Variants in ZNF230 observed in about 807,000 individuals in gnomAD.
ZNF230 encodes zinc finger protein FDZF2.
ZNF230 carries 12 observed loss-of-function variants against 10.0 expected under a neutral mutation model. The observed-to-expected ratio is 1.20, with a 90% CI of 0.77 to 1.95. The LOEUF is 1.95. ZNF230 is among the 30% of genes most tolerant of loss of function. ZNF230 has a pLI of 0.00. For synonymous variants in ZNF230, 174 were observed against 193.6 expected, an observed-to-expected ratio of 0.90 and a Z score of 0.84; for missense variants, 532 against 565.8, an observed-to-expected ratio of 0.94 and a Z score of 0.61.
chr19:44,011,141 G>C lies in ZNF230; in HGVS notation c.1102G>C (p.Glu368Gln). Residue 368 changes from glutamate to glutamine, a missense_variant, in exon 5 of 5, where the codon GAG (glutamate) becomes CAG (glutamine). Transcript: ENST00000429154. ...HSGEKPYRCE[E>Q]CGKGYISKSG... ...TGGAGAAAAACCATACAGATGTGAG[G>C]AGTGTGGGAAGGGCTACATTAGTAA... The C allele has an allele frequency of 6.2e-7, 1 of 1,614,230 alleles. No homozygotes were observed. The highest frequency in any genetic ancestry group is 2.2e-5 in the East Asian group (1 of 44,888).
At position 44,010,328 on chromosome 19, in the gene ZNF230, G is replaced by C. The variant is rs763896484; in HGVS notation, c.289G>C (p.Glu97Gln). 1.9e-6 allele frequency: 3 copies of C among 1,614,080 alleles called. No homozygotes were observed. In the East Asian group the frequency reaches 6.7e-5, roughly 36 times the overall value. ...HEDCPCQQIW[E>Q]QTASDLTQSQ... Reference sequence around the variant, plus strand: ...AGACTGCCCTTGCCAGCAAATCTGGGAACAAACTGCAAGTGACTTAACCCA... The same window carrying C: ...AGACTGCCCTTGCCAGCAAATCTGGCAACAAACTGCAAGTGACTTAACCCA... Residue 97 changes from glutamate (E) to glutamine (Q), a missense_variant, in exon 5 of 5, where the codon GAA (glutamate) becomes CAA (glutamine). Physicochemically the swap from Glu to Gln is conservative, Grantham distance 29. Coordinates refer to ENST00000429154, the MANE Select transcript of ZNF230 (RefSeq NM_006300.4).
rs1976187401 is a variant in ZNF230, at chr19:44,011,758, A to G, written c.*294A>G. ...AACCCCTACACTTCCCTGCTTCTAG[A>G]ACCACTGTTTTACTCACTAATTCTA... On this transcript the variant is annotated 3_prime_UTR_variant, in exon 5 of 5. Transcript: ENST00000429154. 1 of 286,716 alleles carries G rather than the reference A, an allele frequency of 3.5e-6. No homozygotes were observed. Among genetic ancestry groups the G allele is most frequent in the Admixed American group, 4.9e-5 (1 of 20,318 alleles). The allele number at this position is 286,716 out of a possible 1,614,324, so 17.8% of individuals were successfully genotyped here.
chr19:44,010,621 ACT>A lies in ZNF230; in HGVS notation c.587_588del (p.Ser196Ter). On this transcript the variant is annotated frameshift_variant, in exon 5 of 5. Transcript: ENST00000429154. LOFTEE classifies it low-confidence loss of function (END_TRUNC). ...IHQRVHLREK[L>X]SKCDMRGKEF... The stretch of plus-strand genomic sequence containing the variant: ...ACCAGAGAGTTCACTTGAGAGAGAA[ACT>A]CTCTAAGTGTGACATGCGTGGTAAG... 6.2e-7 allele frequency: 1 copy of A among 1,614,154 alleles called. No homozygotes were observed. Among genetic ancestry groups the A allele is most frequent in the South Asian group, 1.1e-5 (1 of 91,080 alleles).
Position 44,007,961 on chromosome 19 carries a change from T to A in ZNF230, c.16-829T>A, listed in dbSNP as rs146920611. On this transcript the variant is annotated intron_variant, in intron 2 of 4. Coordinates refer to ENST00000429154, the MANE Select transcript of ZNF230 (RefSeq NM_006300.4). ...TACCATGAGAGAGCACACTCATGTA[T>A]GACAAATTACATAAAGCAGATTTAT... Among the ~76,000 whole-genome samples, 317 of 152,310 alleles carry A rather than the reference T, an allele frequency of 2.1e-3. 2 individuals are homozygous for A. Among genetic ancestry groups the A allele is most frequent in the African/African-American group, 7.1e-3 (297 of 41,576 alleles).
rs1976130214 is a variant in ZNF230, at chr19:44,007,047, GAC to G, written c.-29_-28del. 3.8e-6 allele frequency: 6 copies of G among 1,584,006 alleles called. No homozygotes were observed. The highest frequency in any genetic ancestry group is 5.2e-6 in the Non-Finnish European group (6 of 1,153,824). ...CCTTCCTTTGTGCTCCATTACTCAA[GAC>G]ACTGAAGACTCCAAAAAGTAGTAGG... On this transcript the variant is annotated 5_prime_UTR_variant, in exon 2 of 5. An upstream open reading frame in the 5' UTR loses its in-frame stop. Transcript: ENST00000429154.
rs528675008 is a variant in ZNF230 at position 44,013,581 on chromosome 19, C to T, written c.*2117C>T. On this transcript the variant is annotated 3_prime_UTR_variant, in exon 5 of 5. Coordinates refer to ENST00000429154, the MANE Select transcript of ZNF230 (RefSeq NM_006300.4). ...GTGTGAAATGCATTTATTCCTATAA[C>T]ATAAGACCAATAAAATGAGGGAACC... 1 of 152,196 alleles carries T rather than the reference C, an allele frequency of 6.6e-6. No homozygotes were observed. The highest frequency in any genetic ancestry group is 1.9e-4 in the East Asian group (1 of 5,176). The allele number at this position is 152,196 out of a possible 1,614,324, so 9.4% of individuals were successfully genotyped here. A position where few individuals can be genotyped will look rare whatever the true frequency, so the allele number is the denominator to read the frequency against.
At position 44,010,714 on chromosome 19, in the gene ZNF230, A is replaced by T; in HGVS notation, c.675A>T (p.Lys225Asn). The stretch of plus-strand genomic sequence containing the variant: ...TCCACACTGGAGAGAAACCATTCAA[A>T]TGTGAGCAATGTGGGAAAGGCTTCA... ...ERVHTGEKPFKCEQCGKGFRC... is the reference protein window; with the variant it reads ...ERVHTGEKPFNCEQCGKGFRC... The change falls in exon 5 of 5, where the codon AAA becomes AAT. Residue 225 changes from lysine (K) to asparagine (N), a missense_variant. Transcript: ENST00000429154. The T allele has an allele frequency of 6.2e-7, 1 of 1,614,206 alleles. No homozygotes were observed. The highest frequency in any genetic ancestry group is 8.5e-7 in the Non-Finnish European group (1 of 1,180,024).
Position 44,011,361 on chromosome 19 carries a change from A to C in ZNF230, c.1322A>C (p.Asp441Ala). 2 of 1,614,050 alleles carry C rather than the reference A, an allele frequency of 1.2e-6. No individual in the cohort carries two copies. Among genetic ancestry groups the C allele is most frequent in the Non-Finnish European group, 1.7e-6 (2 of 1,179,938 alleles). Residue 441 changes from aspartate (D) to alanine (A), a missense_variant, in exon 5 of 5, where the codon GAC becomes GCC. Transcript: ENST00000429154. ...HRSFCKDQQG[D>A]HNGENSSKCE... ...TCTTTCTGTAAAGACCAACAAGGAG[A>C]CCACAATGGAGAAAACTCATCCAAA...
Position 44,013,750 on chromosome 19 carries a change from T to C in ZNF230, c.*2286T>C, listed in dbSNP as rs144701966. On this transcript the variant is annotated 3_prime_UTR_variant, in exon 5 of 5. Transcript: ENST00000429154. Reference sequence around the variant, plus strand: ...ATTTGTGAACAACTATTCTTTCCTCTGGCAATGAATATTTGCTGGTATTTT... The same window carrying C: ...ATTTGTGAACAACTATTCTTTCCTCCGGCAATGAATATTTGCTGGTATTTT... The C allele has an allele frequency of 3.9e-5, 6 of 152,348 alleles. No homozygotes were observed. The highest frequency in any genetic ancestry group is 1.2e-4 in the African/African-American group (5 of 41,580). The allele number at this position is 152,348 out of a possible 1,614,324, so 9.4% of individuals were successfully genotyped here. A position where few individuals can be genotyped will look rare whatever the true frequency, so the allele number is the denominator to read the frequency against.
rs143042237 is a variant in ZNF230, at chr19:44,011,260, T to G, written c.1221T>G (p.Ile407Met). ...CGKSFSRASSILNHKKLHCRK... is the reference protein window; with the variant it reads ...CGKSFSRASSMLNHKKLHCRK... ...AGAGCTTTAGCCGGGCTTCAAGTAT[T>G]TTGAATCATAAGAAACTCCACTGCC... The change falls in exon 5 of 5, where the codon ATT becomes ATG. Residue 407 changes from isoleucine to methionine, a missense_variant. Ile to Met is a conservative substitution (Grantham distance 10). Coordinates refer to ENST00000429154, the MANE Select transcript of ZNF230 (RefSeq NM_006300.4). The G allele has an allele frequency of 1.2e-6, 2 of 1,614,092 alleles. No individual in the cohort carries two copies. Among genetic ancestry groups the G allele is most frequent in the African/African-American group, 2.7e-5 (2 of 75,024 alleles).
In ZNF230 at chr19:44,011,473, T is replaced by A. The variant is rs1455507618; in HGVS notation, c.*9T>A. 1 of 1,564,596 alleles carries A rather than the reference T, an allele frequency of 6.4e-7. No individual in the cohort carries two copies. The highest frequency in any genetic ancestry group is 8.6e-7 in the Non-Finnish European group (1 of 1,157,842). On this transcript the variant is annotated 3_prime_UTR_variant, in exon 5 of 5. Coordinates refer to ENST00000429154, the MANE Select transcript of ZNF230 (RefSeq NM_006300.4). ...TTTTAAATGATATGTAAGTTGTACA[T>A]ATATATGGGATATGGTATGAAATTT...
rs1481061681 is a variant in ZNF230 at position 44,012,084 on chromosome 19, A to G, written c.*620A>G. 2 of 249,858 alleles carry G rather than the reference A, an allele frequency of 8.0e-6. No homozygotes were observed. Among genetic ancestry groups the G allele is most frequent in the Non-Finnish European group, 1.6e-5 (2 of 126,800 alleles). The allele number at this position is 249,858 out of a possible 1,614,324, so 15.5% of individuals were successfully genotyped here. A position where few individuals can be genotyped will look rare whatever the true frequency, so the allele number is the denominator to read the frequency against. On this transcript the variant is annotated 3_prime_UTR_variant, in exon 5 of 5. Transcript: ENST00000429154. The stretch of plus-strand genomic sequence containing the variant: ...CACATACTGATTTCCTTTGCTTTGG[A>G]TATACTCAATAGTGGGATTGCTAGA...
chr19:44,011,512 T>C lies in ZNF230; in HGVS notation c.*48T>C. On this transcript the variant is annotated 3_prime_UTR_variant, in exon 5 of 5. Transcript: ENST00000429154. ...GGTATGAAATTTTAATATGTGTATATAATACGTAATGATCAAATTGATGTA... is the reference window on the plus strand; with the variant it reads ...GGTATGAAATTTTAATATGTGTATACAATACGTAATGATCAAATTGATGTA... 1 of 1,457,982 alleles carries C rather than the reference T, an allele frequency of 6.9e-7. No individual in the cohort carries two copies. The highest frequency in any genetic ancestry group is 9.3e-7 in the Non-Finnish European group (1 of 1,080,632). 90.3% of individuals were successfully genotyped at this position (1,457,982 alleles called of 1,614,324 possible).
In ZNF230 at chr19:44,010,917, C is replaced by A; in HGVS notation, c.878C>A (p.Ser293Ter). The A allele has an allele frequency of 6.2e-7, 1 of 1,614,154 alleles. No homozygotes were observed. Among genetic ancestry groups the A allele is most frequent in the South Asian group, 1.1e-5 (1 of 91,066 alleles). ...TGTGGTAAGAGCTTCTGCCTTAGGTCAAGTCTTAATAGGCATTGCATGGTC... is the reference window on the plus strand; with the variant it reads ...TGTGGTAAGAGCTTCTGCCTTAGGTAAAGTCTTAATAGGCATTGCATGGTC... ...EICGKSFCLRSSLNRHCMVHT... is the reference protein window; with the variant it reads ...EICGKSFCLR Residue 293 changes from serine (S) to a stop codon, truncating the protein, a stop_gained, in exon 5 of 5, where the codon TCA (serine) becomes TAA (stop). Coordinates refer to ENST00000429154, the MANE Select transcript of ZNF230 (RefSeq NM_006300.4). LOFTEE classifies it low-confidence loss of function (END_TRUNC).
In ZNF230 at chr19:44,010,444, A is replaced by T; in HGVS notation, c.405A>T (p.Thr135=). 1 of 1,614,262 alleles carries T rather than the reference A, an allele frequency of 6.2e-7. No homozygotes were observed. Among genetic ancestry groups the T allele is most frequent in the South Asian group, 1.1e-5 (1 of 91,092 alleles). ...AGGCAGGACTATCTATAATTCATAC[A>T]GGACAGAAACCTTCACAGAATGGGA... ...QVEAGLSIIH[T]GQKPSQNGKC... is the part of the protein sequence containing the mutation. Residue 135 remains threonine (T), a synonymous_variant, in exon 5 of 5, where the codon ACA becomes ACT. Transcript: ENST00000429154.
chr19:44,008,543 G>A (rs1256512439), intron 2 of ZNF230, among the ~76,000 whole-genome samples: 1 of 152,188 alleles, frequency 6.6e-6, no homozygotes, highest in Non-Finnish European at 1.5e-5. Flanking sequence ...AGCCCAGGAT[G>A]CACCATTTGA....
intron 2 of ZNF230, among the ~76,000 whole-genome samples, chr19:44,007,399 A>G (rs992079036): frequency 6.6e-6 from 1 of 152,118 alleles, no homozygotes; most frequent in East Asian, 1.9e-4. Context: ...TTGTACATTC[A>G]TAACTGTATT....
rs550627486 is a variant in ZNF230 at position 44,004,952 on chromosome 19, C to CT, written c.-69+1846dup. ...CCAACATGGTGAAACCCCATCTCTA[C>CT]TAAAAAAAAAAATACAAAAAATTAG... On this transcript the variant is annotated intron_variant, in intron 1 of 4. Transcript: ENST00000429154. 2.4e-4 allele frequency among the ~76,000 whole-genome samples: 36 copies of CT among 149,992 alleles called. No homozygotes were observed. In the East Asian group the frequency reaches 5.2e-3, roughly 21 times the overall value.
rs1030444831 is a variant in ZNF230 at position 44,012,540 on chromosome 19, G to A, written c.*1076G>A. On this transcript the variant is annotated 3_prime_UTR_variant, in exon 5 of 5. Transcript: ENST00000429154. ...CAGTAGGGTTGCAAACAGAACTTACGCTTGTCATTCAGGAGACAGGCCTTA... is the reference window on the plus strand; with the variant it reads ...CAGTAGGGTTGCAAACAGAACTTACACTTGTCATTCAGGAGACAGGCCTTA... The A allele has an allele frequency of 2.0e-5, 10 of 505,500 alleles. No individual in the cohort carries two copies. Among genetic ancestry groups the A allele is most frequent in the Admixed American group, 4.1e-5 (2 of 49,146 alleles). The allele number at this position is 505,500 out of a possible 1,614,324, so 31.3% of individuals were successfully genotyped here. A position where few individuals can be genotyped will look rare whatever the true frequency, so the allele number is the denominator to read the frequency against.
Sources: allele counts gnomAD v4.1 joint callset (sites outside exome capture counted in the v4.1 genomes callset), GRCh38; gene constraint gnomAD v4.1.1; transcripts MANE v1.5; gene names NCBI Gene and HGNC (gene_info 2026-07-23, HGNC 2026-07-21).